Variants in FSIP2 observed in about 807,000 individuals in gnomAD.
The protein encoded by FSIP2 is fibrous sheath-interacting protein 2.
Under a neutral mutation model 510.5 loss-of-function variants are expected in FSIP2, and 367 were observed. The ratio of observed to expected loss-of-function variants is 0.72; its 90% CI spans 0.66 to 0.78. The LOEUF (loss-of-function observed/expected upper bound fraction) is 0.78, where lower values mean the gene tolerates loss of function less well. FSIP2 is among the 30% of genes least tolerant of loss of function. The pLI, the probability that FSIP2 is intolerant of heterozygous loss-of-function variation, is 0.00. For synonymous variants in FSIP2, 2,601 were observed against 2,732.2 expected (o/e 0.95, Z 1.50); for missense variants, 7,594 against 7,901.7 (o/e 0.96, Z 1.48).
intron 19 of FSIP2, among the ~76,000 whole-genome samples, chr2:185,823,342 A>G (rs1430433621): frequency 6.6e-6 from 1 of 151,882 alleles, no homozygotes; most frequent in African/African-American, 2.4e-5. Context: ...CAGAATATGT[A>G]AATAATTCTT....
chr2:185,832,672 T>C (rs76311327), intron 22 of FSIP2, among the ~76,000 whole-genome samples: 14 of 151,816 alleles, frequency 9.2e-5, no homozygotes, highest in Non-Finnish European at 2.1e-4. Flanking sequence ...AAAATGCAAA[T>C]AGGAACTCTT....
At position 185,795,786 on chromosome 2, in the gene FSIP2, A is replaced by C; in HGVS notation, c.8650A>C (p.Asn2884His). ...KELEYSLSLLNLPPLENCESR... is the reference protein window; with the variant it reads ...KELEYSLSLLHLPPLENCESR... ...ATTAGAATATTCTCTTTCACTTTTAAATTTGCCCCCTCTTGAGAATTGTGA... is the reference window on the plus strand; with the variant it reads ...ATTAGAATATTCTCTTTCACTTTTACATTTGCCCCCTCTTGAGAATTGTGA... The change falls in exon 16 of 23, where the codon AAT becomes CAT. Residue 2884 changes from asparagine to histidine, a missense_variant. Asn to His is a moderately conservative substitution (Grantham distance 68, BLOSUM62 1). Transcript: ENST00000424728. 9 of 1,533,764 alleles carry C rather than the reference A, an allele frequency of 5.9e-6. No homozygotes were observed. Among genetic ancestry groups the C allele is most frequent in the Non-Finnish European group, 7.9e-6 (9 of 1,145,094 alleles).
intron 22 of FSIP2, 36 bp downstream of exon 22, chr2:185,831,918 A>T: frequency 8.0e-7 from 1 of 1,249,922 alleles, no homozygotes; most frequent in Non-Finnish European, 1.2e-6. Flanking sequence ...TGGTGTAATT[A>T]AACTGTCAAT....
At chr2:185,816,262 G>T (rs1693824505) in intron 19 of FSIP2, among the ~76,000 whole-genome samples, 1 of 150,678 alleles carries the variant, frequency 6.6e-6, no homozygotes, top group African/African-American at 2.4e-5. Context: ...CCTTATTTTG[G>T]GATATCTGTT....
chr2:185,753,483 A>T (rs1692186934), intron 7 of FSIP2, among the ~76,000 whole-genome samples: 2 of 151,580 alleles, frequency 1.3e-5, no homozygotes, highest in South Asian at 4.1e-4. Context: ...GTCTGATCAG[A>T]AACTGAATTA....
At chr2:185,751,623 CATT>C (rs1692150138) in intron 7 of FSIP2, among the ~76,000 whole-genome samples, 1 of 150,964 alleles carries the variant, frequency 6.6e-6, no homozygotes, top group Non-Finnish European at 1.5e-5. Context: ...TGTGTCATCT[CATT>C]ATTTTTTTAT....
chr2:185,770,419 G>T (rs1692583742), intron 13 of FSIP2, among the ~76,000 whole-genome samples: 1 of 152,112 alleles, frequency 6.6e-6, no homozygotes, highest in Non-Finnish European at 1.5e-5. Context: ...CAGGGCCTCA[G>T]GAAGCTTCCA....
At chr2:185,778,942 G>C (rs1225394348) in intron 13 of FSIP2, among the ~76,000 whole-genome samples, 1 of 151,776 alleles carries the variant, frequency 6.6e-6, no homozygotes. Context: ...CCAAATTTTA[G>C]AATCATCATA....
At position 185,802,114 on chromosome 2, in the gene FSIP2, C is replaced by A; in HGVS notation, c.12808C>A (p.His4270Asn). Reference sequence around the variant, plus strand: ...ATTTTTGAGTGGAGAGGTTTTATGTCATCCAAGGACTCCACTGGATCCAGT... The same window carrying A: ...ATTTTTGAGTGGAGAGGTTTTATGTAATCCAAGGACTCCACTGGATCCAGT... ...QPFLSGEVLC[H>N]PRTPLDPVST... Residue 4270 changes from histidine (H) to asparagine (N), a missense_variant, in exon 17 of 23, where the codon CAT (histidine) becomes AAT (asparagine). His to Asn is a moderately conservative substitution (Grantham distance 68, BLOSUM62 1). Transcript: ENST00000424728. 1 of 1,533,346 alleles carries A rather than the reference C, an allele frequency of 6.5e-7. No individual in the cohort carries two copies. Among genetic ancestry groups the A allele is most frequent in the South Asian group, 1.2e-5 (1 of 83,942 alleles). The allele number at this position is 1,533,346 out of a possible 1,614,324, so 95.0% of individuals were successfully genotyped here.
chr2:185,818,791 C>G (rs1307276766), intron 19 of FSIP2, among the ~76,000 whole-genome samples: 1 of 151,898 alleles, frequency 6.6e-6, no homozygotes, highest in South Asian at 2.1e-4. Context: ...AGTTCATTAA[C>G]ACTAGATCTA....
rs1466460214 is a variant in FSIP2, at chr2:185,791,929, A to G, written c.4793A>G (p.Asn1598Ser). 2 of 1,534,070 alleles carry G rather than the reference A, an allele frequency of 1.3e-6. No homozygotes were observed. Among genetic ancestry groups the G allele is most frequent in the East Asian group, 4.9e-5 (2 of 40,830 alleles). Residue 1598 changes from asparagine to serine, a missense_variant, in exon 16 of 23, where the codon AAC (asparagine) becomes AGC (serine). Coordinates refer to ENST00000424728, the MANE Select transcript of FSIP2 (RefSeq NM_173651.4). ...MVFAKLEGFANGHLEILGAIN... is the reference protein window; with the variant it reads ...MVFAKLEGFASGHLEILGAIN... ...TTTGCTAAACTGGAAGGGTTTGCCA[A>G]CGGACATTTAGAAATTTTGGGTGCT...
intron 21 of FSIP2, among the ~76,000 whole-genome samples, chr2:185,829,780 T>C (rs1028436055): frequency 6.6e-6 from 1 of 151,942 alleles, no homozygotes; most frequent in Non-Finnish European, 1.5e-5. Context: ...TAGTGGTAGA[T>C]GCAGACATAA....
rs1693651101 is a variant in FSIP2, at chr2:185,808,641, T to C, written c.19335T>C (p.Asp6445=). 6.2e-7 allele frequency: 1 copy of C among 1,605,220 alleles called. No individual in the cohort carries two copies. Among genetic ancestry groups the C allele is most frequent in the African/African-American group, 1.3e-5 (1 of 74,368 alleles). The change falls in exon 17 of 23, where the codon GAT becomes GAC. Residue 6445 remains aspartate, a synonymous_variant. Transcript: ENST00000424728. ...AAGAATTTTATTATGATATAAAAGA[T>C]ACAAATACAGCCTTTCCTAAAAAAG... ...TNKEFYYDIK[D]TNTAFPKKVA... is the part of the protein sequence containing the mutation.
chr2:185,750,603 G>GTTTT (rs71014622), intron 7 of FSIP2, among the ~76,000 whole-genome samples: 5 of 136,406 alleles, frequency 3.7e-5, no homozygotes, highest in Middle Eastern at 3.8e-3. Flanking sequence ...GCATTTCTCT[G>GTTTT]TTTTTTTTTT....
At chr2:185,809,784 T>G (rs1015192749) in intron 17 of FSIP2, among the ~76,000 whole-genome samples, 21 of 152,034 alleles carry the variant, frequency 1.4e-4, no homozygotes, top group Non-Finnish European at 2.4e-4. Context: ...GCTGCTATTT[T>G]TATGAGCCTC....
Position 185,809,064 on chromosome 2 carries a change from A to G in FSIP2, c.19758A>G (p.Leu6586=), listed in dbSNP as rs764621519. 1.2e-5 allele frequency: 19 copies of G among 1,605,584 alleles called. No homozygotes were observed. The highest frequency in any genetic ancestry group is 1.6e-5 in the Non-Finnish European group (19 of 1,177,414). ...ATTACTCCTTAGGATCACCTGATTT[A>G]GAAAAGAGAAAGACAGAAAGACGTA... is the stretch of plus-strand genomic sequence containing the variant. The part of the protein sequence containing the change: ...GRNYSLGSPD[L]EKRKTERRTS... The change falls in exon 17 of 23, where the codon TTA becomes TTG. Residue 6586 remains leucine (L), a synonymous_variant. Transcript: ENST00000424728.
intron 9 of FSIP2, among the ~76,000 whole-genome samples, chr2:185,758,649 G>T (rs1163009611): frequency 6.6e-6 from 1 of 151,020 alleles, no homozygotes; most frequent in Non-Finnish European, 1.5e-5. Context: ...AGCTCTAGAG[G>T]TATTTTTGGC....
At chr2:185,768,835 A>G (rs963068233) in intron 13 of FSIP2, among the ~76,000 whole-genome samples, 7 of 152,142 alleles carry the variant, frequency 4.6e-5, no homozygotes, top group African/African-American at 1.7e-4. Context: ...CTTCGAGTCC[A>G]TGTTTTCTCA....
chr2:185,753,015 TG>T (rs1692178459), intron 7 of FSIP2, among the ~76,000 whole-genome samples: 1 of 151,376 alleles, frequency 6.6e-6, no homozygotes, highest in South Asian at 2.1e-4. Flanking sequence ...ATATTTTATC[TG>T]GGGCTAGTTG....
Sources: allele counts gnomAD v4.1 joint callset (sites outside exome capture counted in the v4.1 genomes callset), GRCh38; gene constraint gnomAD v4.1.1; transcripts MANE v1.5; gene names NCBI Gene and HGNC (gene_info 2026-07-23, HGNC 2026-07-21).